Variants in BIRC6 observed in about 807,000 individuals in gnomAD.
BIRC6 encodes the protein dual E2 ubiquitin-conjugating enzyme/E3 ubiquitin-protein ligase BIRC6.
In BIRC6, 98 loss-of-function variants were observed where a neutral mutation model predicts 503.3. The observed-to-expected ratio is 0.19, with a 90% CI of 0.17 to 0.23. BIRC6 has a LOEUF of 0.23. Ranked by LOEUF, BIRC6 falls within the 10% of genes least tolerant of loss-of-function variation. The pLI, the probability that BIRC6 is intolerant of heterozygous loss-of-function variation, is 1.00. For missense variants in BIRC6, 5,360 were observed against 5,806.0 expected, an observed-to-expected ratio of 0.92 and a Z score of 2.50; for synonymous variants, 2,240 against 2,078.7, an observed-to-expected ratio of 1.08 and a Z score of -2.11.
chr2:32,583,514 A>G (rs888090430), intron 66 of BIRC6, among the ~76,000 whole-genome samples: 5 of 152,226 alleles, frequency 3.3e-5, no homozygotes, highest in Admixed American at 3.3e-4. Context: ...TTCTGGAGGA[A>G]CAAAAGATTA....
At chr2:32,474,224 C>A (rs538254275) in intron 33 of BIRC6, among the ~76,000 whole-genome samples, 1 of 151,616 alleles carries the variant, frequency 6.6e-6, no homozygotes, top group Admixed American at 6.6e-5. Flanking sequence ...CTTGGCAATA[C>A]GTTTTTTATT....
intron 12 of BIRC6, among the ~76,000 whole-genome samples, chr2:32,431,674 T>C (rs909133048): frequency 3.3e-5 from 5 of 152,252 alleles, no homozygotes; most frequent in African/African-American, 1.2e-4. Context: ...ATAATGAGAG[T>C]AATTTACTAC....
intron 23 of BIRC6, among the ~76,000 whole-genome samples, chr2:32,461,548 C>T (rs951273707): frequency 6.0e-5 from 9 of 151,188 alleles, no homozygotes; most frequent in Admixed American, 2.6e-4. Context: ...TTTGTGTCCA[C>T]TAAATGAAGG....
At chr2:32,430,209 A>T (rs745813584) in intron 11 of BIRC6, among the ~76,000 whole-genome samples, 8 of 152,168 alleles carry the variant, frequency 5.3e-5, no homozygotes, top group Non-Finnish European at 1.2e-4. Flanking sequence ...TTAATTTTTT[A>T]AAATGGGAAC....
In BIRC6 at chr2:32,515,391, T is replaced by C; in HGVS notation, c.10970T>C (p.Ile3657Thr). The part of the protein sequence containing the change: ...ISSSESIAQS[I>T]DISQDKLRRH... The stretch of plus-strand genomic sequence containing the variant: ...AGCTCAGAAAGCATTGCCCAGTCAA[T>C]AGATATTTCCCAGGACAAACTCAGG... Residue 3657 changes from isoleucine (I) to threonine (T), a missense_variant, in exon 55 of 74, where the codon ATA (isoleucine) becomes ACA (threonine). By Grantham distance (89) the Ile-to-Thr change is moderately conservative. Around this residue, in one of 16 missense-constraint regions of BIRC6, gnomAD observed 878 missense variants for 928.9 expected, o/e 0.95. Coordinates refer to ENST00000421745, the MANE Select transcript of BIRC6 (RefSeq NM_016252.4). The C allele has an allele frequency of 1.2e-6, 2 of 1,613,438 alleles. No individual in the cohort carries two copies. The highest frequency in any genetic ancestry group is 1.6e-4 in the Middle Eastern group (1 of 6,062).
At chr2:32,475,878 T>G (rs2049704198) in intron 33 of BIRC6, among the ~76,000 whole-genome samples, 1 of 151,958 alleles carries the variant, frequency 6.6e-6, no homozygotes. Context: ...TATTAAGCAA[T>G]AAAATATTTT....
At chr2:32,601,301 G>A (rs898964217) in intron 70 of BIRC6, among the ~76,000 whole-genome samples, 2 of 152,204 alleles carry the variant, frequency 1.3e-5, no homozygotes, top group Admixed American at 6.5e-5. Flanking sequence ...AACCACCTAC[G>A]CCGGGCGTGG....
intron 62 of BIRC6, 44 bp downstream of exon 62, chr2:32,543,585 T>C (rs759515007): frequency 1.3e-6 from 2 of 1,563,188 alleles, no homozygotes; most frequent in African/African-American, 1.4e-5. Flanking sequence ...TGTGAATAGG[T>C]TGTGTAAAGG....
chr2:32,422,937 C>G (rs1404723228), intron 10 of BIRC6, among the ~76,000 whole-genome samples: 1 of 151,982 alleles, frequency 6.6e-6, no homozygotes, highest in Non-Finnish European at 1.5e-5. Flanking sequence ...GTAAGGGGCT[C>G]TCTATTTTTT....
chr2:32,532,048 AG>A (rs2056807792), intron 61 of BIRC6: 1 of 511,626 alleles, frequency 2.0e-6, no homozygotes, highest in Non-Finnish European at 4.0e-6. Flanking sequence ...ATCAATCAGT[AG>A]GAAGTATGGT....
chr2:32,453,973 T>C, intron 23 of BIRC6, 31 bp downstream of exon 23: 1 of 1,544,906 alleles, frequency 6.5e-7, no homozygotes, highest in Non-Finnish European at 8.9e-7. Context: ...CTTCTTTTAT[T>C]ATATACTTTA....
chr2:32,527,353 A>G (rs2056362466), intron 59 of BIRC6: 1 of 152,158 alleles, frequency 6.6e-6, no homozygotes. Flanking sequence ...CTCAAAACTA[A>G]TGTTTATGCC....
At chr2:32,538,730 A>G (rs185756708) in intron 61 of BIRC6, among the ~76,000 whole-genome samples, 1,641 of 152,346 alleles carry the variant, frequency 0.011, 17 homozygotes, top group Middle Eastern at 0.024. Context: ...CAGGAGTTCA[A>G]GACCAGCCTG....
intron 5 of BIRC6, among the ~76,000 whole-genome samples, chr2:32,394,994 C>CA (rs893331846): frequency 6.6e-6 from 1 of 151,686 alleles, no homozygotes; most frequent in Admixed American, 6.6e-5. Flanking sequence ...ACTAAAAATA[C>CA]AAAAAAAATT....
Position 32,377,594 on chromosome 2 carries a change from C to A in BIRC6, c.332C>A (p.Pro111Gln), listed in dbSNP as rs2037005695. The A allele has an allele frequency of 1.2e-6, 2 of 1,600,016 alleles. No homozygotes were observed. Among genetic ancestry groups the A allele is most frequent in the African/African-American group, 1.3e-5 (1 of 74,340 alleles). Reference protein sequence around the residue: ...TLQASALSAKPGGQVKCQYIS... With the variant: ...TLQASALSAKQGGQVKCQYIS... ...ATTTTTGTTCTTTTAACAGCTAAAC[C>A]AGGTGGACAGGTGAAATGTCAGTAT... Residue 111 changes from proline to glutamine, a missense_variant, in exon 2 of 74, where the codon CCA (proline) becomes CAA (glutamine). By Grantham distance (76) the Pro-to-Gln change is moderately conservative. This residue lies in a region of BIRC6 where 47 missense variants were observed against 93.3 expected (regional missense o/e 0.50). Coordinates refer to ENST00000421745, the MANE Select transcript of BIRC6 (RefSeq NM_016252.4).
chr2:32,420,142 A>G (rs930845083), intron 10 of BIRC6, among the ~76,000 whole-genome samples: 23 of 152,112 alleles, frequency 1.5e-4, no homozygotes, highest in Non-Finnish European at 7.4e-5. Context: ...CAGGGATATT[A>G]TATGTTCCTT....
At chr2:32,590,485 T>C (rs990699430) in intron 66 of BIRC6, among the ~76,000 whole-genome samples, 1 of 152,192 alleles carries the variant, frequency 6.6e-6, no homozygotes, top group Non-Finnish European at 1.5e-5. Context: ...ATTAAGCTGT[T>C]TTCAGTTTTT....
At chr2:32,441,487 ATTC>A (rs1558733718) in intron 17 of BIRC6, 25 bp downstream of exon 17, 1 of 1,587,506 alleles carries the variant, frequency 6.3e-7, no homozygotes, top group Admixed American at 1.7e-5. Context: ...TTATCTTGTT[ATTC>A]TTACAGTAAT....
At chr2:32,598,092 A>G (rs1323142561) in intron 69 of BIRC6, 124 bp downstream of exon 69, 1 of 975,558 alleles carries the variant, frequency 1.0e-6, no homozygotes, top group Admixed American at 2.9e-5. Context: ...AATTTTGGTG[A>G]CCATTTTTAG....
Sources: gnomAD v4.1 joint callset for allele counts (sites outside exome capture counted in the v4.1 genomes callset) on GRCh38, gnomAD v4.1.1 for gene constraint, gnomAD v4.1.1 regional missense constraint, MANE v1.5 for transcripts, NCBI Gene and HGNC (gene_info 2026-07-23, HGNC 2026-07-21) for gene names.